Variants in CNTNAP2 observed in about 807,000 individuals in gnomAD.
CNTNAP2 encodes contactin associated protein 2, also known as contactin-associated protein-like 2.
In CNTNAP2, 98 loss-of-function variants were observed where a neutral mutation model predicts 155.2. That is an observed-to-expected ratio of 0.63 (90% confidence interval 0.54 to 0.75). The LOEUF (loss-of-function observed/expected upper bound fraction) is 0.75, where lower values mean the gene tolerates loss of function less well. Ranked by LOEUF, CNTNAP2 falls within the 30% of genes least tolerant of loss-of-function variation. CNTNAP2 has a pLI of 0.00. For synonymous variants in CNTNAP2, 651 were observed against 631.2 expected, an observed-to-expected ratio of 1.03 and a Z score of -0.47; for missense variants, 1,727 against 1,688.1, an observed-to-expected ratio of 1.02 and a Z score of -0.40.
chr7:146,743,614 T>G (rs1183527541), intron 1 of CNTNAP2, among the ~76,000 whole-genome samples: 1 of 151,746 alleles, frequency 6.6e-6, no homozygotes, highest in Non-Finnish European at 1.5e-5. Flanking sequence ...TGCCTGAAAA[T>G]CATAACCATG....
rs138435336 is a variant in CNTNAP2, at chr7:147,135,855, C to T, written c.1348+3346C>T. Among the ~76,000 whole-genome samples, 14 of 150,360 alleles carry T rather than the reference C, an allele frequency of 9.3e-5. No homozygotes were observed. In the East Asian group the frequency reaches 2.5e-3, roughly 27 times the overall value. Reference sequence around the variant, plus strand: ...TACAGTTTGGAAAACACCGACCTGACCTGCATTCTTTTTCTTATTTGAAGT... The same window carrying T: ...TACAGTTTGGAAAACACCGACCTGATCTGCATTCTTTTTCTTATTTGAAGT... On this transcript the variant is annotated intron_variant, in intron 8 of 23. Transcript: ENST00000361727.
chr7:147,762,155 TCACACACACACACACACA>T (rs72526174), intron 13 of CNTNAP2, among the ~76,000 whole-genome samples: 1 of 144,350 alleles, frequency 6.9e-6, no homozygotes, highest in African/African-American at 2.6e-5. Flanking sequence ...TCTCTCTGTC[TCACACACACACACACACA>T]CACACACACA....
At chr7:147,407,745 T>C (rs889391646) in intron 10 of CNTNAP2, among the ~76,000 whole-genome samples, 2 of 152,188 alleles carry the variant, frequency 1.3e-5, no homozygotes, top group South Asian at 4.1e-4. Flanking sequence ...TTGTTACAGA[T>C]AATGATTTCT....
At chr7:147,061,813 GTA>G (rs1465592193) in intron 4 of CNTNAP2, among the ~76,000 whole-genome samples, 2 of 152,140 alleles carry the variant, frequency 1.3e-5, no homozygotes, top group African/African-American at 4.8e-5. Flanking sequence ...AGTATACTTA[GTA>G]TTCGGATACT....
chr7:146,352,748 C>CTTTTTTTTTTTTTTTTTT (rs1201897985), intron 1 of CNTNAP2, among the ~76,000 whole-genome samples: 10 of 66,194 alleles, frequency 1.5e-4, no homozygotes, highest in African/African-American at 1.9e-4. Context: ...TAGCATAATT[C>CTTTTTTTTTTTTTTTTTT]TGTTTTTTTT....
intron 13 of CNTNAP2, among the ~76,000 whole-genome samples, chr7:147,722,354 T>G (rs1796577986): frequency 6.6e-6 from 1 of 152,142 alleles, no homozygotes; most frequent in African/African-American, 2.4e-5. Context: ...AAATCATTGT[T>G]GAGCGTGGTT....
chr7:148,127,749 G>A (rs1476158916), intron 16 of CNTNAP2, among the ~76,000 whole-genome samples: 4 of 152,218 alleles, frequency 2.6e-5, no homozygotes, highest in East Asian at 3.8e-4. Context: ...TAGATGTGAA[G>A]AATGTCTAAT....
At chr7:148,098,608 C>T (rs1031292248) in intron 15 of CNTNAP2, among the ~76,000 whole-genome samples, 2 of 151,910 alleles carry the variant, frequency 1.3e-5, no homozygotes, top group African/African-American at 4.8e-5. Flanking sequence ...GGAGGCTGAG[C>T]AAGGAGGATC....
intron 3 of CNTNAP2, among the ~76,000 whole-genome samples, chr7:146,919,193 G>T (rs1012922264): frequency 4.6e-5 from 7 of 152,158 alleles, no homozygotes; most frequent in African/African-American, 1.7e-4. Context: ...GCAATTCAGA[G>T]ATTTTGTCTT....
chr7:146,291,109 GA>G (rs1192115112), intron 1 of CNTNAP2, among the ~76,000 whole-genome samples: 1 of 152,086 alleles, frequency 6.6e-6, no homozygotes, highest in African/African-American at 2.4e-5. Flanking sequence ...AAAACATGAT[GA>G]ATATGTTTGT....
intron 4 of CNTNAP2, among the ~76,000 whole-genome samples, chr7:147,059,739 TA>T (rs992002871): frequency 6.6e-6 from 1 of 152,112 alleles, no homozygotes; most frequent in Admixed American, 6.5e-5. Flanking sequence ...AACAGGTAAT[TA>T]TTCCCCCATT....
intron 16 of CNTNAP2, among the ~76,000 whole-genome samples, chr7:148,140,421 CTT>C (rs750371666): frequency 1.7e-4 from 23 of 135,344 alleles, no homozygotes; most frequent in Non-Finnish European, 1.4e-4. Flanking sequence ...TTTTCTTTTT[CTT>C]TTTTTTTTTT....
At chr7:147,613,830 G>A (rs1050433799) in intron 12 of CNTNAP2, among the ~76,000 whole-genome samples, 8 of 152,064 alleles carry the variant, frequency 5.3e-5, no homozygotes, top group Non-Finnish European at 1.2e-4. Flanking sequence ...GCAACAGAGT[G>A]AGACTCCGTT....
chr7:147,349,548 A>G (rs913832501), intron 9 of CNTNAP2, among the ~76,000 whole-genome samples: 3 of 151,942 alleles, frequency 2.0e-5, no homozygotes, highest in Admixed American at 6.6e-5. Context: ...GATAGAAAAA[A>G]ATATATAACA....
At chr7:146,707,567 A>C (rs1200321831) in intron 1 of CNTNAP2, among the ~76,000 whole-genome samples, 1 of 151,774 alleles carries the variant, frequency 6.6e-6, no homozygotes, top group Non-Finnish European at 1.5e-5. Context: ...CCTGGGCTGC[A>C]CTCCACTGCC....
In CNTNAP2 at chr7:147,107,007, C is replaced by T. The variant is rs551017291; in HGVS notation, c.551-1140C>T. ...TCTGGAGTTCTTTAGCCAGACCTTA[C>T]CCAAAACCTAGAGGCTAGCTTTGTC... On this transcript the variant is annotated intron_variant, in intron 4 of 23. Coordinates refer to ENST00000361727, the MANE Select transcript of CNTNAP2 (RefSeq NM_014141.6). Among the ~76,000 whole-genome samples the T allele has an allele frequency of 1.5e-3, 233 of 152,266 alleles. 2 individuals carry two copies. Among genetic ancestry groups the T allele is most frequent in the African/African-American group, 5.2e-3 (217 of 41,550 alleles).
intron 1 of CNTNAP2, among the ~76,000 whole-genome samples, chr7:146,264,606 A>G (rs1799966232): frequency 1.3e-5 from 2 of 152,220 alleles, no homozygotes; most frequent in African/African-American, 4.8e-5. Flanking sequence ...GACAATGAAA[A>G]CAGAGACATG....
At chr7:147,528,611 C>T (rs562435831) in intron 11 of CNTNAP2, among the ~76,000 whole-genome samples, 1 of 152,272 alleles carries the variant, frequency 6.6e-6, no homozygotes, top group East Asian at 1.9e-4. Context: ...GTACATCTTA[C>T]ATGTTCCTGG....
intron 1 of CNTNAP2, among the ~76,000 whole-genome samples, chr7:146,190,159 G>A (rs973584073): frequency 5.9e-5 from 9 of 152,116 alleles, no homozygotes; most frequent in East Asian, 3.9e-4. Context: ...AACCTCATGC[G>A]TTCGTTTGTT....
Sources: allele counts gnomAD v4.1 joint callset (sites outside exome capture counted in the v4.1 genomes callset), GRCh38; gene constraint gnomAD v4.1.1; transcripts MANE v1.5; gene names NCBI Gene and HGNC (gene_info 2026-07-23, HGNC 2026-07-21).